The following H2AJ variants were observed in gnomAD, a reference collection of about 807,000 sequenced individuals.
The protein encoded by H2AJ is H2A.J histone.
A neutral mutation model predicts 7.9 loss-of-function variants in H2AJ; 3 were observed. The observed-to-expected ratio is 0.38, with a 90% CI of 0.17 to 0.98. The LOEUF (loss-of-function observed/expected upper bound fraction) is 0.98. Among genes scored for constraint, H2AJ ranks in the 50% least tolerant of loss-of-function variants. H2AJ has a pLI of 0.39. For synonymous variants in H2AJ, 98 were observed against 85.7 expected (o/e 1.14, Z -0.79); for missense variants, 128 against 174.4 (o/e 0.73, Z 1.50).
chr12:14,775,066 G>A, downstream of H2AJ: 1 of 605,436 alleles, frequency 1.7e-6, no homozygotes, highest in Non-Finnish European at 2.9e-6. Context: ...CATGTCGGAT[G>A]GCCCCAGGGG....
downstream of H2AJ, chr12:14,775,618 A>G: frequency 2.8e-6 from 1 of 356,406 alleles, no homozygotes; most frequent in Non-Finnish European, 5.8e-6. Flanking sequence ...ATTGCATAAC[A>G]TTGCAGCGCC....
At chr12:14,775,279 T>G (rs1326229283), downstream of H2AJ, 4 of 473,642 alleles carry the variant, frequency 8.4e-6, no homozygotes, top group Non-Finnish European at 1.7e-5. Context: ...TATTTTTACT[T>G]CCCTTTCACA....
chr12:14,777,566 T>A (rs1949657101), downstream of H2AJ: 1 of 167,070 alleles, frequency 6.0e-6, no homozygotes, highest in Admixed American at 6.5e-5. Context: ...CTTCCAGTGG[T>A]TGAAAGGTCG....
Position 14,774,851 on chromosome 12 carries a change from G to A in H2AJ, c.381G>A (p.Lys127=). Residue 127 remains lysine (K), a synonymous_variant, in exon 1 of 1, where the codon AAG becomes AAA. Coordinates refer to ENST00000544848, the MANE Select transcript of H2AJ (RefSeq NM_177925.5). The stretch of plus-strand genomic sequence containing the variant: ...AGAAGACGGAGAGTCAGAAGACGAA[G>A]AGCAAATGACCCTGACGCCGCCCTC... ...LPKKTESQKT[K]SK is the part of the protein sequence containing the mutation. 2 of 1,614,088 alleles carry A rather than the reference G, an allele frequency of 1.2e-6. No homozygotes were observed. The highest frequency in any genetic ancestry group is 1.7e-6 in the Non-Finnish European group (2 of 1,179,950).
chr12:14,775,005 A>AT lies in H2AJ; in HGVS notation c.*145_*146insT, dbSNP rs1949615163. Reference sequence around the variant, plus strand: ...GGCGGCGAGGGTCCCGGCGGGAGCCAATAAAGTTGGTGAAAATCGTTTGGT... The same window carrying AT: ...GGCGGCGAGGGTCCCGGCGGGAGCCATATAAAGTTGGTGAAAATCGTTTGGT... On this transcript the variant is annotated 3_prime_UTR_variant, in exon 1 of 1. Coordinates refer to ENST00000544848, the MANE Select transcript of H2AJ (RefSeq NM_177925.5). 3.2e-6 allele frequency: 3 copies of AT among 941,940 alleles called. No individual in the cohort carries two copies. The highest frequency in any genetic ancestry group is 4.7e-6 in the Non-Finnish European group (3 of 632,146). 58.3% of individuals were successfully genotyped at this position (941,940 alleles called of 1,614,324 possible).
Position 14,774,833 on chromosome 12 carries a change from G to A in H2AJ, c.363G>A (p.Thr121=), listed in dbSNP as rs761510539. 1.2e-6 allele frequency: 2 copies of A among 1,614,068 alleles called. No homozygotes were observed. Among genetic ancestry groups the A allele is most frequent in the South Asian group, 1.1e-5 (1 of 91,090 alleles). ...AGGCCGTGCTGCTGCCCAAGAAGAC[G>A]GAGAGTCAGAAGACGAAGAGCAAAT... ...NIQAVLLPKK[T]ESQKTKSK Residue 121 remains threonine, a synonymous_variant, in exon 1 of 1, where the codon ACG becomes ACA. Transcript: ENST00000544848.
chr12:14,777,275 A>C (rs7967360), downstream of H2AJ: 2 of 167,088 alleles, frequency 1.2e-5, no homozygotes, highest in African/African-American at 4.8e-5. Flanking sequence ...ACAAAATCTG[A>C]TGGGAACTGA....
downstream of H2AJ, chr12:14,777,226 A>G (rs1949653324): frequency 6.0e-6 from 1 of 167,096 alleles, no homozygotes; most frequent in African/African-American, 2.4e-5. Flanking sequence ...AAAGGCCAGT[A>G]TTTCTTTAAG....
In H2AJ at chr12:14,774,729, G is replaced by T. The variant is rs1949607088; in HGVS notation, c.259G>T (p.Ala87Ser). The change falls in exon 1 of 1, where the codon GCC becomes TCC. Residue 87 changes from alanine (A) to serine (S), a missense_variant. Physicochemically the swap from Ala to Ser is moderately conservative, Grantham distance 99. Coordinates refer to ENST00000544848, the MANE Select transcript of H2AJ (RefSeq NM_177925.5). ...GATAATTCCCCGCCACCTGCAGCTC[G>T]CCATCCGCAACGACGAGGAGTTAAA... is the stretch of plus-strand genomic sequence containing the variant. ...TRIIPRHLQLAIRNDEELNKL... is the reference protein window; with the variant it reads ...TRIIPRHLQLSIRNDEELNKL... 6.2e-7 allele frequency: 1 copy of T among 1,614,206 alleles called. No individual in the cohort carries two copies. Among genetic ancestry groups the T allele is most frequent in the African/African-American group, 1.3e-5 (1 of 75,054 alleles).
At chr12:14,777,339 C>T (rs1276374186), downstream of H2AJ, 1 of 166,904 alleles carries the variant, frequency 6.0e-6, no homozygotes, top group Non-Finnish European at 1.5e-5. Flanking sequence ...CACAAACACA[C>T]ACACACACAC....
At position 14,774,853 on chromosome 12, in the gene H2AJ, G is replaced by A. The variant is rs780088989; in HGVS notation, c.383G>A (p.Ser128Asn). 22 of 1,613,856 alleles carry A rather than the reference G, an allele frequency of 1.4e-5. No homozygotes were observed. The highest frequency in any genetic ancestry group is 1.8e-5 in the Non-Finnish European group (21 of 1,179,900). ...PKKTESQKTKSK is the reference protein window; with the variant it reads ...PKKTESQKTKNK ...AAGACGGAGAGTCAGAAGACGAAGA[G>A]CAAATGACCCTGACGCCGCCCTCAG... Residue 128 changes from serine (S) to asparagine (N), a missense_variant, in exon 1 of 1, where the codon AGC becomes AAC. Transcript: ENST00000544848.
downstream of H2AJ, chr12:14,775,329 C>T: frequency 2.1e-6 from 1 of 471,582 alleles, no homozygotes; most frequent in South Asian, 1.5e-5. Flanking sequence ...CACTCAGGAC[C>T]AAGTTCTGGG....
downstream of H2AJ, chr12:14,775,104 C>T: frequency 3.6e-6 from 2 of 559,996 alleles, no homozygotes; most frequent in Admixed American, 3.1e-5. Flanking sequence ...ACCCCTGGAG[C>T]AGGCACTGGT....
downstream of H2AJ, chr12:14,775,190 G>A (rs1949619467): frequency 2.1e-6 from 1 of 482,456 alleles, no homozygotes; most frequent in Non-Finnish European, 4.2e-6. Flanking sequence ...TGGCCTGGAG[G>A]TGGGCAGGGT....
downstream of H2AJ, chr12:14,775,557 A>T: frequency 2.6e-6 from 1 of 378,386 alleles, no homozygotes; most frequent in South Asian, 2.1e-5. Context: ...AATGAAGGAA[A>T]CGTTCAATAA....
downstream of H2AJ, chr12:14,776,706 T>G (rs1949645234): frequency 6.0e-6 from 1 of 167,048 alleles, no homozygotes; most frequent in Non-Finnish European, 1.5e-5. Flanking sequence ...ATAGGACTTT[T>G]TAAAAAATGC....
downstream of H2AJ, chr12:14,777,665 A>T (rs139561061): frequency 1.3e-3 from 225 of 167,198 alleles, no homozygotes; most frequent in Non-Finnish European, 2.1e-3. Flanking sequence ...TGATTTTTGG[A>T]AACTTAATCT....
Position 14,774,957 on chromosome 12 carries a change from C to A in H2AJ, c.*97C>A. 1.4e-6 allele frequency: 2 copies of A among 1,383,830 alleles called. No homozygotes were observed. The highest frequency in any genetic ancestry group is 9.8e-7 in the Non-Finnish European group (1 of 1,016,096). 85.7% of individuals were successfully genotyped at this position (1,383,830 alleles called of 1,614,324 possible). On this transcript the variant is annotated 3_prime_UTR_variant, in exon 1 of 1. Coordinates refer to ENST00000544848, the MANE Select transcript of H2AJ (RefSeq NM_177925.5). ...GAATGTGCTGGATGTCATGGAGGGC[C>A]GGTGACATCTAGCGGGGAGGTGGGC...
chr12:14,775,179 G>A (rs1949619254), downstream of H2AJ: 10 of 484,886 alleles, frequency 2.1e-5, no homozygotes, highest in South Asian at 1.8e-4. Flanking sequence ...TCAGGGGAGG[G>A]TGGCCTGGAG....
Sources: allele counts gnomAD v4.1 joint callset, GRCh38; gene constraint gnomAD v4.1.1; transcripts MANE v1.5; gene names NCBI Gene and HGNC (gene_info 2026-07-23, HGNC 2026-07-21).